Variants in MLLT3 observed in about 807,000 individuals in gnomAD.
The protein encoded by MLLT3 is protein AF-9.
MLLT3 carries 4 observed loss-of-function variants against 53.2 expected under a neutral mutation model. The observed-to-expected ratio is 0.08, with a 90% CI of 0.04 to 0.17. MLLT3 has a LOEUF of 0.17. MLLT3 is among the 10% of genes least tolerant of loss of function. The pLI, the probability that MLLT3 is intolerant of heterozygous loss-of-function variation, is 1.00. For missense variants in MLLT3, 569 were observed against 684.0 expected, an observed-to-expected ratio of 0.83 and a Z score of 1.87; for synonymous variants, 283 against 230.6, an observed-to-expected ratio of 1.23 and a Z score of -2.06.
At chr9:20,576,585 T>G (rs112480042) in intron 2 of MLLT3, among the ~76,000 whole-genome samples, 18 of 152,124 alleles carry the variant, frequency 1.2e-4, no homozygotes, top group African/African-American at 4.3e-4. Flanking sequence ...ACTGGAGCAG[T>G]GGAGCAGTCA....
At chr9:20,484,545 A>G (rs1233930718) in intron 2 of MLLT3, among the ~76,000 whole-genome samples, 1 of 152,072 alleles carries the variant, frequency 6.6e-6, no homozygotes, top group Non-Finnish European at 1.5e-5. Flanking sequence ...CTACTACCCA[A>G]CTATATGGGT....
chr9:20,436,786 T>G (rs572233179), intron 4 of MLLT3, among the ~76,000 whole-genome samples: 3 of 152,260 alleles, frequency 2.0e-5, no homozygotes, highest in African/African-American at 7.2e-5. Flanking sequence ...GCTACAAAAC[T>G]GTATGATTTA....
At chr9:20,579,983 A>C (rs1447126802) in intron 2 of MLLT3, among the ~76,000 whole-genome samples, 1 of 152,150 alleles carries the variant, frequency 6.6e-6, no homozygotes, top group Non-Finnish European at 1.5e-5. Flanking sequence ...GTGTGAGGTA[A>C]ATAGGGAGCA....
At chr9:20,357,144 CTT>C (rs1270938075) in intron 8 of MLLT3, among the ~76,000 whole-genome samples, 1 of 152,242 alleles carries the variant, frequency 6.6e-6, no homozygotes, top group Non-Finnish European at 1.5e-5. Flanking sequence ...TGGATAGACT[CTT>C]TTTAATTTCA....
At chr9:20,607,432 C>A (rs900540158) in intron 2 of MLLT3, among the ~76,000 whole-genome samples, 3 of 151,990 alleles carry the variant, frequency 2.0e-5, no homozygotes, top group African/African-American at 7.2e-5. Context: ...ATTTAGAATT[C>A]TCTCAAAAGG....
intron 4 of MLLT3, among the ~76,000 whole-genome samples, chr9:20,420,525 TATAAAGCA>T (rs1349630537): frequency 4.6e-5 from 7 of 152,198 alleles, no homozygotes; most frequent in African/African-American, 1.4e-4. Context: ...ATCTAAATTA[TATAAAGCA>T]AAAGGTATTT....
chr9:20,492,266 G>C (rs1254883337), intron 2 of MLLT3, among the ~76,000 whole-genome samples: 1 of 151,916 alleles, frequency 6.6e-6, no homozygotes, highest in African/African-American at 2.4e-5. Flanking sequence ...TAGCATACTA[G>C]TTGTAACTTA....
intron 2 of MLLT3, among the ~76,000 whole-genome samples, chr9:20,514,572 A>G (rs1318595167): frequency 6.6e-6 from 1 of 151,906 alleles, no homozygotes; most frequent in East Asian, 1.9e-4. Flanking sequence ...ATCAAATGAG[A>G]AACTGCCTGG....
chr9:20,354,898 G>A lies in MLLT3; in HGVS notation c.1432-19C>T, dbSNP rs1821125355. On this transcript the variant is annotated intron_variant, in intron 8 of 10. Coordinates refer to ENST00000380338, the MANE Select transcript of MLLT3 (RefSeq NM_004529.4). ...CAAGAATCTAGGGATCAAAGAGAACGCTGTGTTAAATTTTATTTCAAGCAT... is the reference window on the plus strand; with the variant it reads ...CAAGAATCTAGGGATCAAAGAGAACACTGTGTTAAATTTTATTTCAAGCAT... The A allele has an allele frequency of 6.3e-6, 10 of 1,590,650 alleles. No homozygotes were observed. Among genetic ancestry groups the A allele is most frequent in the South Asian group, 2.2e-5 (2 of 90,562 alleles).
At chr9:20,540,772 A>C (rs947718767) in intron 2 of MLLT3, among the ~76,000 whole-genome samples, 1 of 151,774 alleles carries the variant, frequency 6.6e-6, no homozygotes, top group African/African-American at 2.4e-5. Context: ...TTAACATTTC[A>C]CTCCTCTTTA....
Position 20,459,759 on chromosome 9 carries a change from G to A in MLLT3, c.194-2973C>T, listed in dbSNP as rs371861176. 2.6e-4 allele frequency among the ~76,000 whole-genome samples: 40 copies of A among 152,036 alleles called. 1 individual carries two copies. The South Asian group carries it at 7.7e-3, about 29-fold the overall frequency. On this transcript the variant is annotated intron_variant, in intron 2 of 10. Transcript: ENST00000380338. ...CCCTTTAAAGGAAATGACTTGCTAC[G>A]TACTAATATTGTATAGAAGTGTGAT...
At chr9:20,521,845 T>C (rs993738920) in intron 2 of MLLT3, among the ~76,000 whole-genome samples, 3 of 152,192 alleles carry the variant, frequency 2.0e-5, no homozygotes, top group African/African-American at 7.2e-5. Context: ...ATAGCCGTAA[T>C]ATTCTCATTC....
intron 10 of MLLT3, among the ~76,000 whole-genome samples, chr9:20,351,945 G>C (rs1462076364): frequency 6.6e-6 from 1 of 152,188 alleles, no homozygotes; most frequent in East Asian, 1.9e-4. Context: ...AACCGGCCTG[G>C]GAATGCAATT....
At chr9:20,411,566 T>C (rs991669779) in intron 5 of MLLT3, among the ~76,000 whole-genome samples, 1 of 152,190 alleles carries the variant, frequency 6.6e-6, no homozygotes, top group Non-Finnish European at 1.5e-5. Flanking sequence ...CTATGCAGAG[T>C]ACATTACAAA....
At chr9:20,394,549 T>A (rs912219836) in intron 5 of MLLT3, among the ~76,000 whole-genome samples, 2 of 152,098 alleles carry the variant, frequency 1.3e-5, no homozygotes, top group Non-Finnish European at 2.9e-5. Context: ...AAATTTGGGG[T>A]CCACAAAGGA....
At chr9:20,361,715 C>T (rs1157979213) in intron 7 of MLLT3, among the ~76,000 whole-genome samples, 1 of 152,170 alleles carries the variant, frequency 6.6e-6, no homozygotes, top group Non-Finnish European at 1.5e-5. Context: ...CTTTTATCCA[C>T]AATAGGAGAG....
chr9:20,359,978 T>C (rs1821275213), intron 8 of MLLT3, among the ~76,000 whole-genome samples: 1 of 152,232 alleles, frequency 6.6e-6, no homozygotes, highest in South Asian at 2.1e-4. Flanking sequence ...CGATTTAATT[T>C]ATTTAACAAA....
At chr9:20,607,284 C>T (rs777099041) in intron 2 of MLLT3, among the ~76,000 whole-genome samples, 4 of 152,140 alleles carry the variant, frequency 2.6e-5, no homozygotes, top group Non-Finnish European at 5.9e-5. Context: ...GCAGTTAAGA[C>T]ATCTATATAA....
chr9:20,507,742 G>GAAAAAAAAA (rs72452530), intron 2 of MLLT3, among the ~76,000 whole-genome samples: 6 of 84,528 alleles, frequency 7.1e-5, no homozygotes, highest in African/African-American at 1.6e-4. Flanking sequence ...TCCCAAAATG[G>GAAAAAAAAA]AAAAAAAAAA....
Sources: gnomAD v4.1 joint callset for allele counts (sites outside exome capture counted in the v4.1 genomes callset) on GRCh38, gnomAD v4.1.1 for gene constraint, MANE v1.5 for transcripts, NCBI Gene and HGNC (gene_info 2026-07-23, HGNC 2026-07-21) for gene names.